The following VPS41 variants were observed in gnomAD, a reference collection of about 807,000 sequenced individuals.
VPS41 encodes VPS41 subunit of HOPS complex.
Under a neutral mutation model 130.9 loss-of-function variants are expected in VPS41, and 85 were observed. That is an observed-to-expected ratio of 0.65 (90% CI 0.55 to 0.78). The LOEUF is 0.78. Among genes scored for constraint, VPS41 ranks in the 30% least tolerant of loss-of-function variants. The pLI, the probability that VPS41 is intolerant of heterozygous loss-of-function variation, is 0.00. For synonymous variants in VPS41, 335 were observed against 332.9 expected (o/e 1.01, Z -0.07); for missense variants, 874 against 1,018.7 (o/e 0.86, Z 1.93).
At chr7:38,797,750 A>G (rs972338895) in intron 7 of VPS41, among the ~76,000 whole-genome samples, 1 of 152,074 alleles carries the variant, frequency 6.6e-6, no homozygotes, top group Non-Finnish European at 1.5e-5. Flanking sequence ...TCCTCTACCC[A>G]CCCCAAAAGA....
At chr7:38,755,626 T>G (rs1783775512) in intron 19 of VPS41, among the ~76,000 whole-genome samples, 2 of 152,214 alleles carry the variant, frequency 1.3e-5, no homozygotes, top group South Asian at 4.1e-4. Flanking sequence ...CAAATGTTAC[T>G]TTTGTTCTCT....
intron 1 of VPS41, among the ~76,000 whole-genome samples, chr7:38,901,101 T>C (rs951840967): frequency 2.6e-5 from 4 of 152,340 alleles, no homozygotes; most frequent in African/African-American, 7.2e-5. Context: ...TTATAAATTA[T>C]GCTGTTTTCA....
At chr7:38,795,412 C>A in intron 9 of VPS41, 53 bp downstream of exon 9, 3 of 1,541,360 alleles carry the variant, frequency 1.9e-6, no homozygotes, top group Non-Finnish European at 2.6e-6. Context: ...CTTTGGACCA[C>A]CCTCAGTGGA....
chr7:38,827,805 G>C (rs187128810), intron 5 of VPS41, among the ~76,000 whole-genome samples: 9 of 152,214 alleles, frequency 5.9e-5, no homozygotes, highest in Admixed American at 5.9e-4. Flanking sequence ...AATTATAACC[G>C]AACTAAACTT....
chr7:38,865,394 C>G (rs1786207510), intron 3 of VPS41, among the ~76,000 whole-genome samples: 1 of 151,862 alleles, frequency 6.6e-6, no homozygotes, highest in South Asian at 2.1e-4. Context: ...AAACTTTGTT[C>G]TCCATTTCAT....
intron 7 of VPS41, among the ~76,000 whole-genome samples, chr7:38,805,194 A>C (rs2116035203): frequency 6.6e-6 from 1 of 152,342 alleles, no homozygotes. Flanking sequence ...GCAGACAGTT[A>C]CCTGAAAACA....
intron 25 of VPS41, among the ~76,000 whole-genome samples, chr7:38,732,634 T>C (rs1465447707): frequency 6.6e-6 from 1 of 152,150 alleles, no homozygotes; most frequent in East Asian, 1.9e-4. Flanking sequence ...AAGTTCAATT[T>C]GCTATTGATT....
chr7:38,812,773 A>G (rs1784969836), intron 7 of VPS41, among the ~76,000 whole-genome samples: 1 of 152,212 alleles, frequency 6.6e-6, no homozygotes, highest in South Asian at 2.1e-4. Flanking sequence ...ATGGCCAATA[A>G]GCACAGGAAA....
chr7:38,850,427 C>T (rs1373859206), intron 4 of VPS41, among the ~76,000 whole-genome samples: 6 of 152,102 alleles, frequency 3.9e-5, no homozygotes, highest in East Asian at 1.9e-4. Flanking sequence ...ATGTAGGTAA[C>T]ATTTTAACAA....
intron 7 of VPS41, among the ~76,000 whole-genome samples, chr7:38,804,098 AG>A (rs1319914841): frequency 6.6e-6 from 1 of 152,226 alleles, no homozygotes; most frequent in African/African-American, 2.4e-5. Flanking sequence ...TCTGTGCACA[AG>A]GGTTCCTAGA....
intron 16 of VPS41, among the ~76,000 whole-genome samples, chr7:38,764,544 A>G (rs1347173618): frequency 6.6e-6 from 1 of 152,182 alleles, no homozygotes; most frequent in African/African-American, 2.4e-5. Context: ...ATCTATCAGA[A>G]GGCATTTGCT....
chr7:38,894,697 G>A (rs1015566633), intron 2 of VPS41, among the ~76,000 whole-genome samples: 1 of 152,106 alleles, frequency 6.6e-6, no homozygotes, highest in South Asian at 2.1e-4. Flanking sequence ...AATACAGGAG[G>A]TAAGTGCTAT....
chr7:38,891,653 T>A (rs1385988956), intron 2 of VPS41, among the ~76,000 whole-genome samples: 1 of 152,242 alleles, frequency 6.6e-6, no homozygotes, highest in Non-Finnish European at 1.5e-5. Flanking sequence ...CTCCTGTTCT[T>A]AATGGCATTT....
chr7:38,891,484 A>G (rs991449914), intron 2 of VPS41, among the ~76,000 whole-genome samples: 7 of 152,200 alleles, frequency 4.6e-5, no homozygotes, highest in African/African-American at 1.7e-4. Context: ...AAATCCAGCC[A>G]GGCATCTGTT....
rs1784209165 is a variant in VPS41 at position 38,774,185 on chromosome 7, A to G, written c.942T>C (p.Cys314=). 5.0e-6 allele frequency: 8 copies of G among 1,609,892 alleles called. No homozygotes were observed. In the East Asian group the frequency reaches 1.8e-4, roughly 36 times the overall value. ...TCAAAGCATCAGAAGAGATCTCTTCACAAGTCTCAGAAAGTGGCTGGATGA... is the reference window on the plus strand; with the variant it reads ...TCAAAGCATCAGAAGAGATCTCTTCGCAAGTCTCAGAAAGTGGCTGGATGA... ...LDIIQPLSET[C]EEISSDALTV... is the part of the protein sequence containing the mutation. The change falls in exon 12 of 29, where the codon TGT becomes TGC. Residue 314 remains cysteine (C), a synonymous_variant. Coordinates refer to ENST00000310301, the MANE Select transcript of VPS41 (RefSeq NM_014396.4).
chr7:38,846,176 T>C (rs376951690), intron 4 of VPS41, among the ~76,000 whole-genome samples: 2 of 152,196 alleles, frequency 1.3e-5, no homozygotes, highest in African/African-American at 4.8e-5. Context: ...AAGGTGTTTG[T>C]GTAGAGTCTG....
In VPS41 at chr7:38,743,410, T is replaced by C. The variant is rs1344378751; in HGVS notation, c.2114A>G (p.Asp705Gly). The C allele has an allele frequency of 1.2e-6, 2 of 1,613,766 alleles. No individual in the cohort carries two copies. The highest frequency in any genetic ancestry group is 1.1e-5 in the South Asian group (1 of 91,064). The change falls in exon 24 of 29, where the codon GAC becomes GGC. Residue 705 changes from aspartate (D) to glycine (G), a missense_variant. Transcript: ENST00000310301. The stretch of plus-strand genomic sequence containing the variant: ...ATGGCTTTTATGCTTACGTGGTTTG[T>C]CAATGGAATATAAAATCAAATCTTC... Reference protein sequence around the residue: ...LWEDLILYSIDKPPFITGLLN... With the variant: ...LWEDLILYSIGKPPFITGLLN...
At chr7:38,818,628 C>CA (rs1208322937) in intron 6 of VPS41, among the ~76,000 whole-genome samples, 1 of 152,210 alleles carries the variant, frequency 6.6e-6, no homozygotes, top group African/African-American at 2.4e-5. Context: ...TGGCTCCACT[C>CA]AGTGCACCTC....
intron 25 of VPS41, among the ~76,000 whole-genome samples, chr7:38,733,313 G>A (rs1214868055): frequency 2.6e-5 from 4 of 152,066 alleles, no homozygotes; most frequent in East Asian, 3.8e-4. Context: ...CTGAGTTTTC[G>A]AAGATATTGA....
Sources: gnomAD v4.1 joint callset for allele counts (sites outside exome capture counted in the v4.1 genomes callset) on GRCh38, gnomAD v4.1.1 for gene constraint, MANE v1.5 for transcripts, NCBI Gene and HGNC (gene_info 2026-07-23, HGNC 2026-07-21) for gene names.